Variants in LCOR observed in about 807,000 individuals in gnomAD.
LCOR encodes ligand-dependent corepressor.
A neutral mutation model predicts 64.4 loss-of-function variants in LCOR; 14 were observed. The observed-to-expected ratio is 0.22, with a 90% CI of 0.14 to 0.34. The LOEUF is 0.34. LCOR is among the 10% of genes least tolerant of loss of function. LCOR has a pLI of 1.00. For synonymous variants in LCOR, 643 were observed against 642.5 expected (o/e 1.00, Z -0.01); for missense variants, 1,686 against 1,765.3 (o/e 0.96, Z 0.80).
rs776718896 is a variant in LCOR at position 96,990,970 on chromosome 10, A to G, written c.*5836A>G. On this transcript the variant is annotated 3_prime_UTR_variant, in exon 8 of 8. Coordinates refer to ENST00000421806, the MANE Select transcript of LCOR (RefSeq NM_001346516.2). ...AAAATCAGGTACTCATGGTATTACA[A>G]TATGCCAGGGGTTGGACAAATGGAT... The G allele has an allele frequency of 6.6e-6, 1 of 151,208 alleles. No homozygotes were observed. The allele number at this position is 151,208 out of a possible 1,614,324, so 9.4% of individuals were successfully genotyped here.
At chr10:96,832,757 G>A (rs530258171) in intron 1 of LCOR, among the ~76,000 whole-genome samples, 1 of 150,858 alleles carries the variant, frequency 6.6e-6, no homozygotes, top group Non-Finnish European at 1.5e-5. Flanking sequence ...GCCGCCGCCG[G>A]CTTATTGTGG....
In LCOR at chr10:96,949,145, A is replaced by G; in HGVS notation, c.88A>G (p.Asn30Asp). The change falls in exon 6 of 8, where the codon AAC (asparagine) becomes GAC (aspartate). Residue 30 changes from asparagine to aspartate, a missense_variant. This residue lies in a region of LCOR where 80 missense variants were observed against 107.7 expected (regional missense o/e 0.74). Transcript: ENST00000421806. Reference protein sequence around the residue: ...QDPSQPNSTKNQSLPKASPVT... With the variant: ...QDPSQPNSTKDQSLPKASPVT... ...CCCCAGCCAGCCCAATAGCACAAAG[A>G]ACCAAAGCCTGCCGAAAGCATCTCC... is the stretch of plus-strand genomic sequence containing the variant. 1 of 1,614,072 alleles carries G rather than the reference A, an allele frequency of 6.2e-7. No individual in the cohort carries two copies. The highest frequency in any genetic ancestry group is 8.5e-7 in the Non-Finnish European group (1 of 1,180,004).
At chr10:96,839,314 T>TA (rs1845498512) in intron 2 of LCOR, among the ~76,000 whole-genome samples, 1 of 152,190 alleles carries the variant, frequency 6.6e-6, no homozygotes, top group South Asian at 2.1e-4. Flanking sequence ...TAAGAACAAA[T>TA]ACAGATCAAT....
chr10:96,978,995 A>G (rs938607262), intron 7 of LCOR, among the ~76,000 whole-genome samples: 1 of 152,262 alleles, frequency 6.6e-6, no homozygotes, highest in Non-Finnish European at 1.5e-5. Flanking sequence ...TCCTGTAGAT[A>G]GTAAATGTCA....
intron 2 of LCOR, among the ~76,000 whole-genome samples, chr10:96,901,092 G>GGCA (rs2134445925): frequency 6.6e-6 from 1 of 152,128 alleles, no homozygotes; most frequent in South Asian, 2.1e-4. Flanking sequence ...GGGAGGCTGA[G>GGCA]GCAGCAGAAT....
At chr10:96,939,882 G>A (rs2134503950) in intron 4 of LCOR, among the ~76,000 whole-genome samples, 1 of 152,348 alleles carries the variant, frequency 6.6e-6, no homozygotes, top group East Asian at 1.9e-4. Flanking sequence ...AGAATCATTT[G>A]AATCCAGGAG....
chr10:96,911,079 T>C (rs2134457044), intron 4 of LCOR, among the ~76,000 whole-genome samples: 1 of 151,172 alleles, frequency 6.6e-6, no homozygotes, highest in African/African-American at 2.4e-5. Context: ...GTGCCAGTTA[T>C]TTTTACATGT....
intron 2 of LCOR, among the ~76,000 whole-genome samples, chr10:96,876,867 G>T (rs1202777006): frequency 6.6e-6 from 1 of 152,084 alleles, no homozygotes; most frequent in Non-Finnish European, 1.5e-5. Context: ...CTAATTTCTT[G>T]TATTTTTAGT....
In LCOR at chr10:96,927,028, C is replaced by CA. The variant is rs1564628303; in HGVS notation, c.-183-17083dup. On this transcript the variant is annotated intron_variant, in intron 4 of 7. Transcript: ENST00000421806. ...ACATATTGTTTGATTTCTTTGGGAT[C>CA]AATACCTAGAGTTGGAATTGCTGAG... is the stretch of plus-strand genomic sequence containing the variant. 2.0e-5 allele frequency among the ~76,000 whole-genome samples: 3 copies of CA among 151,952 alleles called. No homozygotes were observed. The East Asian group carries it at 5.8e-4, about 29-fold the overall frequency.
At chr10:96,915,564 G>T in intron 4 of LCOR, 1 of 659,830 alleles carries the variant, frequency 1.5e-6, no homozygotes. Context: ...TATGAAACTT[G>T]GTAAAAAATA....
At chr10:96,835,644 G>C (rs984662519) in intron 2 of LCOR, among the ~76,000 whole-genome samples, 1 of 152,088 alleles carries the variant, frequency 6.6e-6, no homozygotes, top group African/African-American at 2.4e-5. Flanking sequence ...CGGTCAACCT[G>C]TTTGTTTCTC....
At chr10:96,875,277 G>A (rs539339280) in intron 2 of LCOR, among the ~76,000 whole-genome samples, 29 of 152,004 alleles carry the variant, frequency 1.9e-4, no homozygotes, top group African/African-American at 6.3e-4. Flanking sequence ...CCAGCTACTC[G>A]TGAGGCTGAG....
At chr10:96,958,018 A>G in intron 7 of LCOR, 2 of 1,005,382 alleles carry the variant, frequency 2.0e-6, no homozygotes, top group Non-Finnish European at 2.4e-6. Flanking sequence ...GAAGGAAATC[A>G]TAGAAAGTTT....
chr10:96,869,174 TG>T (rs1846029049), intron 2 of LCOR, among the ~76,000 whole-genome samples: 1 of 152,172 alleles, frequency 6.6e-6, no homozygotes, highest in East Asian at 1.9e-4. Context: ...CCCAAAGTGC[TG>T]GGATTACAGG....
Position 96,859,498 on chromosome 10 carries a change from C to T in LCOR, c.-330+26019C>T, listed in dbSNP as rs550000258. 1.1e-4 allele frequency among the ~76,000 whole-genome samples: 16 copies of T among 152,102 alleles called. No individual in the cohort carries two copies. In the South Asian group the frequency reaches 3.3e-3, roughly 32 times the overall value. ...AAGTGCTAGGATTATAGGTGCGAGC[C>T]ACCGCGCCCAGCCTAGACTTGTATC... On this transcript the variant is annotated intron_variant, in intron 2 of 7. Coordinates refer to ENST00000421806, the MANE Select transcript of LCOR (RefSeq NM_001346516.2).
At chr10:96,832,940 C>T in intron 1 of LCOR, 1 of 974,030 alleles carries the variant, frequency 1.0e-6, no homozygotes, top group Non-Finnish European at 1.2e-6. Flanking sequence ...AGGCGGGCGC[C>T]CGGCGCTCGG....
At chr10:96,960,012 A>G (rs1286345020) in intron 7 of LCOR, 1 of 152,158 alleles carries the variant, frequency 6.6e-6, no homozygotes, top group Non-Finnish European at 1.5e-5. Context: ...CATTTACCTT[A>G]GCTATAATAT....
intron 2 of LCOR, among the ~76,000 whole-genome samples, chr10:96,841,036 C>T (rs1333830814): frequency 6.6e-6 from 1 of 151,860 alleles, no homozygotes; most frequent in Admixed American, 6.6e-5. Context: ...CCCAGCTACT[C>T]GGAAGGCTGA....
chr10:96,965,446 A>G (rs1847938870), intron 7 of LCOR, among the ~76,000 whole-genome samples: 1 of 150,724 alleles, frequency 6.6e-6, no homozygotes, highest in South Asian at 2.1e-4. Flanking sequence ...GCGGATCACG[A>G]GGTCAGGAGA....
Sources: allele counts gnomAD v4.1 joint callset (sites outside exome capture counted in the v4.1 genomes callset), GRCh38; gene constraint gnomAD v4.1.1; regional missense constraint gnomAD v4.1.1; transcripts MANE v1.5; gene names NCBI Gene and HGNC (gene_info 2026-07-23, HGNC 2026-07-21).